Variants in LRRC4C observed in about 807,000 individuals in gnomAD.
LRRC4C encodes the protein leucine-rich repeat-containing protein 4C.
In LRRC4C, 5 loss-of-function variants were observed where a neutral mutation model predicts 33.6. The observed-to-expected ratio is 0.15, with a 90% CI of 0.08 to 0.31. The LOEUF (loss-of-function observed/expected upper bound fraction) is 0.31. Among genes scored for constraint, LRRC4C ranks in the 10% least tolerant of loss-of-function variants. The probability of loss-of-function intolerance (pLI) is 1.00; values close to 1 mark genes in which losing one functional copy is unlikely to be tolerated. For missense variants in LRRC4C, 560 were observed against 796.7 expected, an observed-to-expected ratio of 0.70 and a Z score of 3.58; for synonymous variants, 329 against 302.0, an observed-to-expected ratio of 1.09 and a Z score of -0.93.
In LRRC4C at chr11:41,350,489, G is replaced by C. The variant is rs1384134527; in HGVS notation, c.-496+108942C>G. Among the ~76,000 whole-genome samples the C allele has an allele frequency of 1.6e-5, 2 of 127,868 alleles. 1 individual carries two copies. Among genetic ancestry groups the C allele is most frequent in the African/African-American group, 5.9e-5 (2 of 33,954 alleles). The allele number at this position is 127,868 out of a possible 152,430, so 83.9% of individuals were successfully genotyped here. ...TGCGCCACTGCACTCCAGCCTGGGC[G>C]ACAGAGCAAGACTCCATCTCAAAAA... On this transcript the variant is annotated intron_variant, in intron 1 of 6. Coordinates refer to ENST00000528697, the MANE Select transcript of LRRC4C (RefSeq NM_001258419.2).
intron 5 of LRRC4C, among the ~76,000 whole-genome samples, chr11:40,192,715 G>A (rs910360443): frequency 2.6e-5 from 4 of 152,144 alleles, no homozygotes; most frequent in South Asian, 2.1e-4. Context: ...TGAAATTCTC[G>A]CTGCCAGCAC....
chr11:41,278,122 C>A (rs1949542420), intron 1 of LRRC4C, among the ~76,000 whole-genome samples: 1 of 152,050 alleles, frequency 6.6e-6, no homozygotes, highest in South Asian at 2.1e-4. Context: ...TATTTCATGC[C>A]ATGGTTATTA....
chr11:40,121,409 A>C (rs1438638177), intron 6 of LRRC4C, among the ~76,000 whole-genome samples: 4 of 152,224 alleles, frequency 2.6e-5, no homozygotes. Flanking sequence ...TAAATCAACT[A>C]CTATCAACAA....
intron 5 of LRRC4C, among the ~76,000 whole-genome samples, chr11:40,217,716 T>A (rs1256048584): frequency 1.3e-5 from 2 of 152,166 alleles, no homozygotes; most frequent in Admixed American, 6.5e-5. Flanking sequence ...ATATGACTGT[T>A]TTTAAGCCTC....
intron 3 of LRRC4C, among the ~76,000 whole-genome samples, chr11:40,507,015 T>A (rs1206172196): frequency 1.3e-5 from 2 of 151,998 alleles, no homozygotes; most frequent in Non-Finnish European, 2.9e-5. Context: ...TGACAATAAA[T>A]CCTAGTTTAA....
intron 1 of LRRC4C, among the ~76,000 whole-genome samples, chr11:41,312,019 C>G (rs571099381): frequency 3.9e-5 from 6 of 152,176 alleles, no homozygotes; most frequent in African/African-American, 1.4e-4. Flanking sequence ...AAGACCGACA[C>G]GTTTTATCAA....
intron 2 of LRRC4C, among the ~76,000 whole-genome samples, chr11:40,897,033 A>C (rs1338124354): frequency 1.3e-5 from 2 of 152,210 alleles, no homozygotes. Context: ...TAGTAATGAA[A>C]ATTTCTAACA....
At chr11:41,030,856 T>C (rs900855995) in intron 1 of LRRC4C, among the ~76,000 whole-genome samples, 3 of 151,852 alleles carry the variant, frequency 2.0e-5, no homozygotes, top group Non-Finnish European at 4.4e-5. Flanking sequence ...TATGTAGTTA[T>C]ACACACTCTA....
intron 1 of LRRC4C, among the ~76,000 whole-genome samples, chr11:41,056,593 T>G (rs375570315): frequency 1.7e-4 from 26 of 152,116 alleles, no homozygotes; most frequent in African/African-American, 6.3e-4. Flanking sequence ...CATTTAAAAG[T>G]GGGCAAAGAC....
chr11:40,471,976 C>G (rs202229009), intron 3 of LRRC4C, among the ~76,000 whole-genome samples: 4 of 152,122 alleles, frequency 2.6e-5, no homozygotes, highest in African/African-American at 9.7e-5. Context: ...GACCACAGTG[C>G]AATCAAATGA....
intron 2 of LRRC4C, among the ~76,000 whole-genome samples, chr11:40,716,289 G>T (rs905042387): frequency 6.6e-6 from 1 of 151,876 alleles, no homozygotes; most frequent in African/African-American, 2.4e-5. Context: ...TGTAGTCTTG[G>T]TATTCTTCAT....
rs187479901 is a variant in LRRC4C at position 41,139,268 on chromosome 11, G to A, written c.-495-205545C>T. ...GTCACAGAGCTAGAAATAATTTATA[G>A]TAAGGGACTTATATACAATGTCTAT... is the stretch of plus-strand genomic sequence containing the variant. On this transcript the variant is annotated intron_variant, in intron 1 of 6. Coordinates refer to ENST00000528697, the MANE Select transcript of LRRC4C (RefSeq NM_001258419.2). 2.5e-4 allele frequency among the ~76,000 whole-genome samples: 38 copies of A among 152,282 alleles called. No individual in the cohort carries two copies. The East Asian group carries it at 6.6e-3, about 26-fold the overall frequency.
chr11:40,669,353 C>A (rs1229117257), intron 2 of LRRC4C, among the ~76,000 whole-genome samples: 1 of 152,122 alleles, frequency 6.6e-6, no homozygotes, highest in African/African-American at 2.4e-5. Context: ...TTTTTGCAGT[C>A]TTATCTTTAA....
At chr11:40,864,493 A>G (rs1206201141) in intron 2 of LRRC4C, among the ~76,000 whole-genome samples, 1 of 152,228 alleles carries the variant, frequency 6.6e-6, no homozygotes, top group Non-Finnish European at 1.5e-5. Flanking sequence ...GTTGAGACAG[A>G]GAACATAAGG....
intron 2 of LRRC4C, among the ~76,000 whole-genome samples, chr11:40,771,831 C>G (rs1247855478): frequency 6.6e-6 from 1 of 152,170 alleles, no homozygotes. Context: ...ACACTGTCAG[C>G]ATTTTAGTCA....
intron 2 of LRRC4C, among the ~76,000 whole-genome samples, chr11:40,775,104 T>C (rs78755791): frequency 0.11 from 16,439 of 152,112 alleles, 1,286 homozygotes; most frequent in East Asian, 0.41. Flanking sequence ...CAGTTTTTAA[T>C]GTAGTGGACA....
At chr11:40,837,730 G>C (rs528370257) in intron 2 of LRRC4C, among the ~76,000 whole-genome samples, 31 of 151,046 alleles carry the variant, frequency 2.1e-4, no homozygotes, top group Admixed American at 1.9e-3. Flanking sequence ...TGTGCCTGTG[G>C]TCCCAGCTAC....
chr11:40,849,806 C>T (rs1201468330), intron 2 of LRRC4C, among the ~76,000 whole-genome samples: 1 of 151,838 alleles, frequency 6.6e-6, no homozygotes, highest in Admixed American at 6.6e-5. Context: ...TTTACATAAT[C>T]CCATATTTCT....
intron 1 of LRRC4C, among the ~76,000 whole-genome samples, chr11:41,003,919 G>A (rs1034218482): frequency 1.3e-5 from 2 of 152,036 alleles, no homozygotes; most frequent in African/African-American, 2.4e-5. Context: ...TTGAAAGAGT[G>A]AGAACTCCAA....
Sources: gnomAD v4.1 joint callset for allele counts (sites outside exome capture counted in the v4.1 genomes callset) on GRCh38, gnomAD v4.1.1 for gene constraint, MANE v1.5 for transcripts, NCBI Gene and HGNC (gene_info 2026-07-23, HGNC 2026-07-21) for gene names.